The following CSMD1 variants were observed in gnomAD, a reference collection of about 807,000 sequenced individuals.
CSMD1 encodes the protein CUB and sushi domain-containing protein 1.
A neutral mutation model predicts 417.5 loss-of-function variants in CSMD1; 213 were observed. That is an observed-to-expected ratio of 0.51 (90% CI 0.46 to 0.57). CSMD1 has a LOEUF of 0.57. Ranked by LOEUF, CSMD1 falls within the 20% of genes least tolerant of loss-of-function variation. The pLI, the probability that CSMD1 is intolerant of heterozygous loss-of-function variation, is 0.00. For synonymous variants in CSMD1, 2,862 were observed against 1,736.8 expected (o/e 1.65, Z -16.11); for missense variants, 6,923 against 4,529.7 (o/e 1.53, Z -15.17).
chr8:4,914,253 C>A (rs1324690403), intron 1 of CSMD1, among the ~76,000 whole-genome samples: 2 of 152,080 alleles, frequency 1.3e-5, no homozygotes, highest in African/African-American at 4.8e-5. Context: ...AGTGAGTGTG[C>A]AGAGGAAATA....
At chr8:4,113,846 C>T (rs1238841804) in intron 3 of CSMD1, among the ~76,000 whole-genome samples, 3 of 152,190 alleles carry the variant, frequency 2.0e-5, no homozygotes. Flanking sequence ...AGAGCAAGCT[C>T]CTCATTTTCT....
chr8:4,374,930 G>A (rs1017551708), intron 3 of CSMD1, among the ~76,000 whole-genome samples: 12 of 109,048 alleles, frequency 1.1e-4, no homozygotes, highest in Non-Finnish European at 2.0e-4. Context: ...CAGAGTCTTA[G>A]AAAACAATGA....
intron 5 of CSMD1, among the ~76,000 whole-genome samples, chr8:3,904,546 G>T (rs879462834): frequency 6.6e-6 from 1 of 151,884 alleles, no homozygotes; most frequent in Non-Finnish European, 1.5e-5. Context: ...CAAAGCTGTT[G>T]TATGTGAAAC....
In CSMD1 at chr8:3,393,944, A is replaced by T. The variant is rs113183976; in HGVS notation, c.2593+2250T>A. 9.0e-3 allele frequency among the ~76,000 whole-genome samples: 1,303 copies of T among 144,402 alleles called. 24 individuals carry two copies. Among genetic ancestry groups the T allele is most frequent in the African/African-American group, 0.032 (1,258 of 39,438 alleles). The allele number at this position is 144,402 out of a possible 152,430, so 94.7% of individuals were successfully genotyped here. ...CATGGCACATGTATACATATGTAAC[A>T]AACCTGCACGTTGTGCACATGTACC... is the stretch of plus-strand genomic sequence containing the variant. On this transcript the variant is annotated intron_variant, in intron 17 of 69. Coordinates refer to ENST00000635120, the MANE Select transcript of CSMD1 (RefSeq NM_033225.6).
intron 23 of CSMD1, among the ~76,000 whole-genome samples, chr8:3,318,269 TAAAATG>T (rs1160745565): frequency 6.6e-6 from 1 of 152,178 alleles, no homozygotes; most frequent in Non-Finnish European, 1.5e-5. Flanking sequence ...TAATAGGTGT[TAAAATG>T]AAAAAAGTAA....
chr8:4,804,505 A>G (rs994257441), intron 1 of CSMD1, among the ~76,000 whole-genome samples: 1 of 151,294 alleles, frequency 6.6e-6, no homozygotes, highest in African/African-American at 2.4e-5. Flanking sequence ...ACTTTATATT[A>G]CCACCAGACA....
chr8:3,768,447 A>C (rs891234492), intron 5 of CSMD1, among the ~76,000 whole-genome samples: 1 of 152,200 alleles, frequency 6.6e-6, no homozygotes, highest in Non-Finnish European at 1.5e-5. Context: ...CTGTAACCAG[A>C]AAATATATTT....
intron 1 of CSMD1, among the ~76,000 whole-genome samples, chr8:4,824,272 T>C (rs1404178749): frequency 2.0e-5 from 3 of 152,046 alleles, no homozygotes; most frequent in Non-Finnish European, 2.9e-5. Context: ...ATACATGAAA[T>C]ACACAAGTTT....
At chr8:3,417,028 A>T (rs1813200604) in intron 12 of CSMD1, among the ~76,000 whole-genome samples, 1 of 152,218 alleles carries the variant, frequency 6.6e-6, no homozygotes, top group Non-Finnish European at 1.5e-5. Flanking sequence ...TTTTAGTGAG[A>T]ATGATTTACC....
chr8:4,026,864 AG>A (rs1358819745), intron 4 of CSMD1, among the ~76,000 whole-genome samples: 1 of 152,216 alleles, frequency 6.6e-6, no homozygotes, highest in Non-Finnish European at 1.5e-5. Context: ...CCTGAGCAAA[AG>A]TTTGGAATTT....
intron 17 of CSMD1, among the ~76,000 whole-genome samples, chr8:3,395,529 C>T (rs1209182009): frequency 6.6e-6 from 1 of 152,152 alleles, no homozygotes; most frequent in African/African-American, 2.4e-5. Context: ...ACTTTGATTT[C>T]AGTAAACAAG....
chr8:3,681,131 G>C (rs556548076), intron 7 of CSMD1, among the ~76,000 whole-genome samples: 2 of 152,284 alleles, frequency 1.3e-5, no homozygotes, highest in East Asian at 3.9e-4. Flanking sequence ...ACTGGCACAA[G>C]ACAGGGATGC....
intron 11 of CSMD1, among the ~76,000 whole-genome samples, chr8:3,485,070 A>G (rs1200416427): frequency 6.6e-6 from 1 of 152,224 alleles, no homozygotes; most frequent in Non-Finnish European, 1.5e-5. Context: ...AGTAATTTCC[A>G]AGAGAAATAA....
chr8:4,450,461 A>G (rs775886257), intron 2 of CSMD1, among the ~76,000 whole-genome samples: 8 of 152,088 alleles, frequency 5.3e-5, no homozygotes, highest in Non-Finnish European at 7.4e-5. Context: ...CCTCATCTCT[A>G]CTGAAAATAC....
At chr8:4,071,269 T>C (rs1239148109) in intron 3 of CSMD1, among the ~76,000 whole-genome samples, 1 of 152,154 alleles carries the variant, frequency 6.6e-6, no homozygotes, top group Non-Finnish European at 1.5e-5. Context: ...ACGCCCTGCT[T>C]GTTATATTTT....
At chr8:4,183,641 T>C (rs1441158655) in intron 3 of CSMD1, among the ~76,000 whole-genome samples, 1 of 152,244 alleles carries the variant, frequency 6.6e-6, no homozygotes, top group Non-Finnish European at 1.5e-5. Context: ...TAAGCACAAT[T>C]TTAAGTTTCC....
intron 2 of CSMD1, among the ~76,000 whole-genome samples, chr8:4,633,002 T>C (rs1025843225): frequency 8.6e-5 from 13 of 152,008 alleles, no homozygotes; most frequent in Non-Finnish European, 1.9e-4. Context: ...TCATGGACTT[T>C]CTTGAATTTC....
At chr8:3,470,385 G>C (rs764060673) in intron 11 of CSMD1, among the ~76,000 whole-genome samples, 2 of 152,056 alleles carry the variant, frequency 1.3e-5, no homozygotes, top group Non-Finnish European at 2.9e-5. Flanking sequence ...ACATGTGGTA[G>C]GTAGTACAAA....
At chr8:3,403,320 G>C (rs1585112006) in intron 15 of CSMD1, among the ~76,000 whole-genome samples, 1 of 151,846 alleles carries the variant, frequency 6.6e-6, no homozygotes. Context: ...TTCCCTACTA[G>C]ATGCATTTAC....
Sources: gnomAD v4.1 joint callset for allele counts (sites outside exome capture counted in the v4.1 genomes callset) on GRCh38, gnomAD v4.1.1 for gene constraint, MANE v1.5 for transcripts, NCBI Gene and HGNC (gene_info 2026-07-23, HGNC 2026-07-21) for gene names.